Variants in CPVL observed in about 807,000 individuals in gnomAD.
CPVL encodes carboxypeptidase vitellogenic like, also known as probable serine carboxypeptidase CPVL.
In CPVL, 51 loss-of-function variants were observed where a neutral mutation model predicts 63.7. The ratio of observed to expected loss-of-function variants is 0.80; its 90% CI spans 0.64 to 1.01. CPVL has a LOEUF of 1.01. Among genes scored for constraint, CPVL ranks in the 50% least tolerant of loss-of-function variants. The probability of loss-of-function intolerance (pLI) is 0.00; values close to 1 mark genes in which losing one functional copy is unlikely to be tolerated. For missense variants in CPVL, 530 were observed against 573.1 expected, an observed-to-expected ratio of 0.92 and a Z score of 0.77; for synonymous variants, 195 against 206.0, an observed-to-expected ratio of 0.95 and a Z score of 0.46.
At position 29,075,817 on chromosome 7, in the gene CPVL, G is replaced by A. The variant is rs999226171; in HGVS notation, c.610-3394C>T. Among the ~76,000 whole-genome samples the A allele has an allele frequency of 2.7e-5, 4 of 149,840 alleles. No individual in the cohort carries two copies. In the East Asian group the frequency reaches 5.9e-4, roughly 22 times the overall value. On this transcript the variant is annotated intron_variant, in intron 7 of 12. Coordinates refer to ENST00000265394, the MANE Select transcript of CPVL (RefSeq NM_031311.5). Reference sequence around the variant, plus strand: ...GTGTCAGTGTGACAAATCCGTCATTGCCTTTTTCATTAATCATTCCATTGG... The same window carrying A: ...GTGTCAGTGTGACAAATCCGTCATTACCTTTTTCATTAATCATTCCATTGG...
At chr7:29,129,537 G>A (rs912389947) in intron 1 of CPVL, among the ~76,000 whole-genome samples, 4 of 149,530 alleles carry the variant, frequency 2.7e-5, no homozygotes, top group Admixed American at 2.0e-4. Context: ...TGGCACGATC[G>A]CAGCTCATGC....
At position 29,096,092 on chromosome 7, in the gene CPVL, G is replaced by A. The variant is rs936143323; in HGVS notation, c.403+11C>T. The A allele has an allele frequency of 5.0e-6, 8 of 1,597,240 alleles. No homozygotes were observed. In the Admixed American group the frequency reaches 8.3e-5, roughly 17 times the overall value. ...AGATTCTATAGGAAATACAGTGCAA[G>A]GGATACTTACAGGTCATGTTACTTG... On this transcript the variant is annotated intron_variant, in intron 4 of 12. Coordinates refer to ENST00000265394, the MANE Select transcript of CPVL (RefSeq NM_031311.5).
rs75460482 is a variant in CPVL, at chr7:29,070,197, C to T, written c.864+1576G>A. On this transcript the variant is annotated intron_variant, in intron 9 of 12. Coordinates refer to ENST00000265394, the MANE Select transcript of CPVL (RefSeq NM_031311.5). ...TTGGGGTTCCGGTTTCTGACGTATC[C>T]GGTTTGGGAGAGATTCTCACCTCGT... is the stretch of plus-strand genomic sequence containing the variant. 6.6e-5 allele frequency among the ~76,000 whole-genome samples: 10 copies of T among 152,246 alleles called. No individual in the cohort carries two copies. The East Asian group carries it at 1.2e-3, about 18-fold the overall frequency.
chr7:29,096,984 C>CAAAAAAAA (rs1165892123), intron 3 of CPVL, among the ~76,000 whole-genome samples: 2 of 51,184 alleles, frequency 3.9e-5, no homozygotes, highest in Non-Finnish European at 3.8e-5. Flanking sequence ...GACTCTGTCT[C>CAAAAAAAA]AAAAAAAAAA....
intron 11 of CPVL, among the ~76,000 whole-genome samples, chr7:29,055,971 T>C (rs1790691819): frequency 6.6e-6 from 1 of 152,334 alleles, no homozygotes; most frequent in African/African-American, 2.4e-5. Flanking sequence ...TACTAGCATC[T>C]ATCCCCTTTA....
chr7:29,100,212 A>C lies in CPVL; in HGVS notation c.289-3995T>G, dbSNP rs551911764. The stretch of plus-strand genomic sequence containing the variant: ...CTGCGAGTCCAACTGATTCCAGCGG[A>C]TATCCAGCCCCACTTCCTTCCTAAA... On this transcript the variant is annotated intron_variant, in intron 3 of 12. Transcript: ENST00000265394. Among the ~76,000 whole-genome samples, 16 of 152,306 alleles carry C rather than the reference A, an allele frequency of 1.1e-4. 1 individual carries two copies. The highest frequency in any genetic ancestry group is 3.9e-4 in the African/African-American group (16 of 41,558).
chr7:29,095,786 G>A (rs1324559029), intron 4 of CPVL, among the ~76,000 whole-genome samples: 1 of 152,024 alleles, frequency 6.6e-6, no homozygotes, highest in East Asian at 1.9e-4. Context: ...CCACCCATTA[G>A]TCCACTGCAA....
chr7:29,163,681 C>G (rs1035773042), intron 5 of CPVL, among the ~76,000 whole-genome samples: 10 of 152,132 alleles, frequency 6.6e-5, no homozygotes, highest in African/African-American at 2.4e-4. Context: ...TCATTGCCCC[C>G]AAAAGTTTCC....
chr7:29,120,216 G>A (rs930170722), intron 2 of CPVL, among the ~76,000 whole-genome samples: 1 of 152,150 alleles, frequency 6.6e-6, no homozygotes, highest in Admixed American at 6.5e-5. Flanking sequence ...AAGGTTAGGA[G>A]TTCAAAACTA....
chr7:29,107,595 C>T (rs1787851016), intron 3 of CPVL, among the ~76,000 whole-genome samples: 1 of 152,196 alleles, frequency 6.6e-6, no homozygotes, highest in Admixed American at 6.5e-5. Context: ...CAAATTCCAG[C>T]CCATTGACTG....
chr7:29,086,541 A>G lies in CPVL; in HGVS notation c.552T>C (p.Ile184=). 1 of 1,606,752 alleles carries G rather than the reference A, an allele frequency of 6.2e-7. No homozygotes were observed. The highest frequency in any genetic ancestry group is 1.1e-5 in the South Asian group (1 of 90,906). ...DVARDLYSAL[I]QFFQIFPEYK... ...ATTCAGGAAATATCTGGAAAAACTG[A>G]ATTAGTGCACTGCAAAAAGAAGAAC... Residue 184 remains isoleucine (I), a synonymous_variant, in exon 7 of 13, where the codon ATT becomes ATC. Coordinates refer to ENST00000265394, the MANE Select transcript of CPVL (RefSeq NM_031311.5).
intron 1 of CPVL, chr7:29,128,245 G>A (rs747808994): frequency 4.6e-5 from 7 of 150,670 alleles, no homozygotes; most frequent in Non-Finnish European, 8.8e-5. Flanking sequence ...TCCTAGGTAG[G>A]GATTTCCTTT....
At chr7:29,101,074 T>C (rs1303405492) in intron 3 of CPVL, among the ~76,000 whole-genome samples, 3 of 152,206 alleles carry the variant, frequency 2.0e-5, no homozygotes, top group Admixed American at 1.3e-4. Context: ...TAGGGTGATA[T>C]ATTCAGCTGT....
chr7:29,132,963 G>A (rs1790842455), intron 1 of CPVL, among the ~76,000 whole-genome samples: 1 of 152,186 alleles, frequency 6.6e-6, no homozygotes, highest in Admixed American at 6.5e-5. Context: ...CCTGAAAAGA[G>A]AAAGTGGAGG....
At chr7:29,003,154 G>GCACACACACACACA (rs535400256) in intron 12 of CPVL, among the ~76,000 whole-genome samples, 158 of 123,748 alleles carry the variant, frequency 1.3e-3, no homozygotes, top group South Asian at 4.5e-3. Context: ...ATGTGTATGT[G>GCACACACACACACA]CACACACACA....
chr7:29,109,208 C>T (rs1788015610), intron 3 of CPVL, among the ~76,000 whole-genome samples: 1 of 152,134 alleles, frequency 6.6e-6, no homozygotes, highest in African/African-American at 2.4e-5. Flanking sequence ...AGGTTGTATT[C>T]CCACTGCACA....
intron 1 of CPVL, among the ~76,000 whole-genome samples, chr7:29,133,215 C>T (rs917384135): frequency 2.7e-5 from 4 of 148,434 alleles, no homozygotes; most frequent in South Asian, 2.2e-4. Flanking sequence ...AAACAAAAAA[C>T]GCTGTTTTCT....
intron 9 of CPVL, 66 bp downstream of exon 9, chr7:29,071,707 T>TCGGCC: frequency 1.2e-6 from 1 of 867,446 alleles, no homozygotes; most frequent in Non-Finnish European, 1.8e-6. Context: ...GTGTTCCTGC[T>TCGGCC]CACCCGCCCT....
intron 4 of CPVL, among the ~76,000 whole-genome samples, chr7:29,181,730 C>CTTATTTATAATGT (rs1798080839): frequency 6.6e-6 from 1 of 152,156 alleles, no homozygotes. Context: ...AAAGTAGACA[C>CTTATTTATAATGT]TAATGATCTT....
Sources: gnomAD v4.1 joint callset for allele counts (sites outside exome capture counted in the v4.1 genomes callset) on GRCh38, gnomAD v4.1.1 for gene constraint, MANE v1.5 for transcripts, NCBI Gene and HGNC (gene_info 2026-07-23, HGNC 2026-07-21) for gene names.